FCSK: variants seen among roughly 807,000 people sequenced by gnomAD.
FCSK encodes fucose kinase.
A neutral mutation model predicts 122.5 loss-of-function variants in FCSK; 123 were observed. The observed-to-expected ratio is 1.00, with a 90% CI of 0.87 to 1.17. FCSK has a LOEUF of 1.17. Ranked by LOEUF, FCSK falls within the 50% of genes most tolerant of loss-of-function variation. FCSK has a pLI of 0.00. For missense variants in FCSK, 1,366 were observed against 1,450.4 expected (o/e 0.94, Z 0.95); for synonymous variants, 620 against 625.5 (o/e 0.99, Z 0.13).
intron 13 of FCSK, among the ~76,000 whole-genome samples, chr16:70,472,213 C>T (rs1428575410): frequency 6.6e-6 from 1 of 152,156 alleles, no homozygotes; most frequent in Non-Finnish European, 1.5e-5. Flanking sequence ...GGCCTGGAAC[C>T]CAGGGTTCTG....
chr16:70,474,429 G>A (rs2048730341), intron 16 of FCSK, 90 bp downstream of exon 16: 3 of 1,549,162 alleles, frequency 1.9e-6, no homozygotes, highest in Non-Finnish European at 2.6e-6. Flanking sequence ...GAGAGGTGGG[G>A]CTCCCTTGGG....
intron 14 of FCSK, 95 bp from the exon 15 acceptor site, chr16:70,472,888 G>T: frequency 7.0e-7 from 1 of 1,434,630 alleles, no homozygotes. Context: ...GGAGGAGTCT[G>T]TCCTGTCCCC....
intron 3 of FCSK, 109 bp downstream of exon 3, chr16:70,463,883 G>C: frequency 8.1e-7 from 1 of 1,240,252 alleles, no homozygotes; most frequent in African/African-American, 1.5e-5. Context: ...CTCAGCATTG[G>C]TCTCAGTTTT....
chr16:70,469,261 G>A lies in FCSK; in HGVS notation c.893G>A (p.Gly298Asp). The A allele has an allele frequency of 6.2e-7, 1 of 1,613,524 alleles. No individual in the cohort carries two copies. The highest frequency in any genetic ancestry group is 1.1e-5 in the South Asian group (1 of 91,078). ...ELGQGDADVA[G>D]YLQSARAQLW... ...GGGCAAGGCGATGCAGATGTAGCGGGTTATCTGCAGAGCGCCCGGGCCCAG... is the reference window on the plus strand; with the variant it reads ...GGGCAAGGCGATGCAGATGTAGCGGATTATCTGCAGAGCGCCCGGGCCCAG... Residue 298 changes from glycine to aspartate, a missense_variant, in exon 10 of 24, where the codon GGT (glycine) becomes GAT (aspartate). Coordinates refer to ENST00000288078, the MANE Select transcript of FCSK (RefSeq NM_145059.3).
chr16:70,460,206 G>T (rs1302588082), intron 1 of FCSK, among the ~76,000 whole-genome samples: 2 of 150,412 alleles, frequency 1.3e-5, no homozygotes, highest in South Asian at 4.2e-4. Flanking sequence ...CCGCCTCCCG[G>T]GTTCATGCCA....
At chr16:70,466,061 G>C (rs905859168) in intron 4 of FCSK, 71 bp from the exon 5 acceptor site, 1 of 1,539,226 alleles carries the variant, frequency 6.5e-7, no homozygotes, top group African/African-American at 1.4e-5. Flanking sequence ...ATGGCTTTCT[G>C]CCTGCACAGC....
In FCSK at chr16:70,474,706, G is replaced by C. The variant is rs1597633870; in HGVS notation, c.2155+12G>C. 20 of 1,593,456 alleles carry C rather than the reference G, an allele frequency of 1.3e-5. No homozygotes were observed. The highest frequency in any genetic ancestry group is 1.7e-5 in the Non-Finnish European group (20 of 1,169,938). ...TGTGGATTTCTCTGGTGAGCCCCTT[G>C]TGGCAGGTGGGGTTGAGGGTAGCTG... On this transcript the variant is annotated intron_variant, in intron 17 of 23. Transcript: ENST00000288078.
rs376530478 is a variant in FCSK at position 70,471,178 on chromosome 16, C to A, written c.1171-4C>A. ...CCCAGGATGCCTGCCCTGTCCCCCA[C>A]CAGGGCCCCATTCACATAGGCGCTG... On this transcript the variant is annotated splice_polypyrimidine_tract_variant and splice_region_variant and intron_variant, in intron 12 of 23. Coordinates refer to ENST00000288078, the MANE Select transcript of FCSK (RefSeq NM_145059.3). 6.2e-7 allele frequency: 1 copy of A among 1,600,506 alleles called. No homozygotes were observed. The highest frequency in any genetic ancestry group is 1.1e-5 in the South Asian group (1 of 90,414).
chr16:70,471,259 GCTGCGTGAC>G lies in FCSK; in HGVS notation c.1251_1259del (p.Arg418_Leu420del), dbSNP rs2048607917. The G allele has an allele frequency of 3.1e-6, 5 of 1,610,106 alleles. No homozygotes were observed. In the South Asian group the frequency reaches 5.5e-5, roughly 18 times the overall value. On this transcript the variant is annotated inframe_deletion, in exon 13 of 24. Coordinates refer to ENST00000288078, the MANE Select transcript of FCSK (RefSeq NM_145059.3). ...ACTCCAAGGCCCTGCATGGCCGGGA[GCTGCGTGAC>G]CTTGTCCTGCAGGGACACCACACGC...
chr16:70,455,169 C>T (rs1250134273), intron 1 of FCSK, among the ~76,000 whole-genome samples: 2 of 152,196 alleles, frequency 1.3e-5, no homozygotes, highest in African/African-American at 2.4e-5. Flanking sequence ...CTAAAATGTG[C>T]AGTCCCTGAC....
At chr16:70,459,073 C>A (rs1178393430) in intron 1 of FCSK, among the ~76,000 whole-genome samples, 1 of 151,554 alleles carries the variant, frequency 6.6e-6, no homozygotes. Context: ...CAGTGAAAAC[C>A]TTAGCTAGGC....
At chr16:70,465,772 T>C (rs2151709071) in intron 4 of FCSK, among the ~76,000 whole-genome samples, 1 of 151,592 alleles carries the variant, frequency 6.6e-6, no homozygotes, top group South Asian at 2.1e-4. Context: ...GCCAGCATGG[T>C]GAAACTCTGT....
chr16:70,478,875 C>G (rs1364286857), intron 22 of FCSK: 2 of 699,102 alleles, frequency 2.9e-6, no homozygotes, highest in African/African-American at 3.5e-5. Flanking sequence ...TAACAGGAAG[C>G]AGAGAGGGGA....
In FCSK at chr16:70,474,932, T is replaced by G; in HGVS notation, c.2298T>G (p.Pro766=). The G allele has an allele frequency of 1.2e-6, 2 of 1,611,438 alleles. No individual in the cohort carries two copies. The highest frequency in any genetic ancestry group is 1.7e-4 in the Middle Eastern group (1 of 5,972). ...PEPELWLAVG[P]RQDEMTVKIV... is the part of the protein sequence containing the mutation. ...CTGAGCTGTGGCTGGCGGTGGGGCC[T>G]CGGCAGGATGAGATGACTGTGAAGA... Residue 766 remains proline (P), a synonymous_variant, in exon 18 of 24, where the codon CCT becomes CCG. Coordinates refer to ENST00000288078, the MANE Select transcript of FCSK (RefSeq NM_145059.3).
At chr16:70,470,473 G>A in intron 11 of FCSK, 47 bp downstream of exon 11, 2 of 1,177,068 alleles carry the variant, frequency 1.7e-6, no homozygotes, top group South Asian at 1.3e-5. Flanking sequence ...TCTGGGGTCA[G>A]GTGGGATGTG....
At chr16:70,462,641 C>A (rs2151704586) in intron 1 of FCSK, among the ~76,000 whole-genome samples, 1 of 150,730 alleles carries the variant, frequency 6.6e-6, no homozygotes, top group South Asian at 2.1e-4. Flanking sequence ...GACATTTTTT[C>A]TTTTATTTAT....
At position 70,479,645 on chromosome 16, in the gene FCSK, G is replaced by C. The variant is rs371908996; in HGVS notation, c.3220G>C (p.Gly1074Arg). ...DTQGLSLKLLGTEASTCCPFP is the reference protein window; with the variant it reads ...DTQGLSLKLLRTEASTCCPFP ...TCAGGGCCTGAGCCTGAAGCTGCTG[G>C]GGACCGAGGCCTCAACCTGTTGCCC... Residue 1074 changes from glycine to arginine, a missense_variant, in exon 24 of 24, where the codon GGG becomes CGG. Transcript: ENST00000288078. The C allele has an allele frequency of 1.2e-6, 2 of 1,613,990 alleles. No homozygotes were observed. Among genetic ancestry groups the C allele is most frequent in the Non-Finnish European group, 1.7e-6 (2 of 1,180,006 alleles).
At chr16:70,464,988 G>C in intron 3 of FCSK, 138 bp from the exon 4 acceptor site, 1 of 1,544,926 alleles carries the variant, frequency 6.5e-7, no homozygotes, top group South Asian at 1.2e-5. Flanking sequence ...TCTGCCTGTG[G>C]CCATTGGTTT....
At chr16:70,470,896 T>C in intron 11 of FCSK, 75 bp from the exon 12 acceptor site, 1 of 1,346,332 alleles carries the variant, frequency 7.4e-7, no homozygotes, top group Non-Finnish European at 1.0e-6. Flanking sequence ...TGCCCCTGGA[T>C]GCTTGGCTTG....
Sources: gnomAD v4.1 joint callset for allele counts (sites outside exome capture counted in the v4.1 genomes callset) on GRCh38, gnomAD v4.1.1 for gene constraint, MANE v1.5 for transcripts, NCBI Gene and HGNC (gene_info 2026-07-23, HGNC 2026-07-21) for gene names.